Variants in TMTC2 observed in about 807,000 individuals in gnomAD.
TMTC2 encodes the protein transmembrane O-mannosyltransferase targeting cadherins 2.
TMTC2 carries 43 observed loss-of-function variants against 82.4 expected under a neutral mutation model. The ratio of observed to expected loss-of-function variants is 0.52; its 90% CI spans 0.41 to 0.67. The LOEUF is 0.67. TMTC2 is among the 30% of genes least tolerant of loss of function. The probability of loss-of-function intolerance (pLI) is 0.00; values close to 1 mark genes in which losing one functional copy is unlikely to be tolerated. For missense variants in TMTC2, 919 were observed against 1,012.4 expected (o/e 0.91, Z 1.25); for synonymous variants, 408 against 381.9 (o/e 1.07, Z -0.80).
chr12:82,707,762 G>A (rs1293104307), intron 1 of TMTC2, among the ~76,000 whole-genome samples: 3 of 152,214 alleles, frequency 2.0e-5, no homozygotes, highest in Non-Finnish European at 2.9e-5. Context: ...ACTCTGTTAG[G>A]AGGAAGGGCA....
chr12:83,014,056 T>C (rs923528555), intron 8 of TMTC2, among the ~76,000 whole-genome samples: 1 of 152,242 alleles, frequency 6.6e-6, no homozygotes, highest in Non-Finnish European at 1.5e-5. Context: ...TTGCCTATGT[T>C]TTTCTAAGAC....
intron 1 of TMTC2, among the ~76,000 whole-genome samples, chr12:82,832,392 T>C (rs1332513698): frequency 6.6e-6 from 1 of 152,004 alleles, no homozygotes; most frequent in Non-Finnish European, 1.5e-5. Flanking sequence ...ATGTGTGTAA[T>C]TTCTTAAATA....
intron 11 of TMTC2, among the ~76,000 whole-genome samples, chr12:83,063,901 G>A (rs757329907): frequency 1.7e-4 from 26 of 151,840 alleles, no homozygotes; most frequent in Admixed American, 1.2e-3. Context: ...AGGGAACGGG[G>A]TGGCATGCAC....
At chr12:83,045,727 G>GCACA (rs71068972) in intron 9 of TMTC2, among the ~76,000 whole-genome samples, 4,697 of 142,478 alleles carry the variant, frequency 0.033, 157 homozygotes, top group African/African-American at 0.05. Flanking sequence ...ACACACACAC[G>GCACA]CACACACACA....
At chr12:82,694,771 C>T (rs1257091287) in intron 1 of TMTC2, among the ~76,000 whole-genome samples, 5 of 141,180 alleles carry the variant, frequency 3.5e-5, no homozygotes, top group African/African-American at 7.5e-5. Context: ...AATTATTCCA[C>T]AGGAGATTTA....
At chr12:83,087,090 T>G (rs1883685325) in intron 11 of TMTC2, among the ~76,000 whole-genome samples, 1 of 152,232 alleles carries the variant, frequency 6.6e-6, no homozygotes, top group Admixed American at 6.5e-5. Flanking sequence ...CTTTGTCAAA[T>G]AAATTTATGT....
intron 2 of TMTC2, among the ~76,000 whole-genome samples, chr12:82,869,469 C>T (rs1393196581): frequency 6.6e-6 from 1 of 152,082 alleles, no homozygotes; most frequent in Non-Finnish European, 1.5e-5. Flanking sequence ...ATAAAAATTT[C>T]ACAAAAACAC....
intron 1 of TMTC2, among the ~76,000 whole-genome samples, chr12:82,753,325 G>A (rs1876118231): frequency 7.2e-6 from 1 of 137,966 alleles, no homozygotes; most frequent in Admixed American, 7.0e-5. Context: ...AAACATAATG[G>A]CTTTTTTTTT....
chr12:82,995,874 C>A (rs1395395442), intron 8 of TMTC2, among the ~76,000 whole-genome samples: 1 of 152,198 alleles, frequency 6.6e-6, no homozygotes, highest in Admixed American at 6.5e-5. Flanking sequence ...TTGGCTCAAG[C>A]TGTCCTCCTT....
chr12:83,016,352 A>G (rs927560398), intron 8 of TMTC2, among the ~76,000 whole-genome samples: 1 of 152,114 alleles, frequency 6.6e-6, no homozygotes, highest in Non-Finnish European at 1.5e-5. Flanking sequence ...TTTTTCCTCC[A>G]TCTGTGAGTC....
intron 3 of TMTC2, among the ~76,000 whole-genome samples, chr12:82,923,427 C>T (rs980616844): frequency 3.9e-5 from 6 of 152,086 alleles, no homozygotes; most frequent in African/African-American, 1.4e-4. Context: ...AATATCTTCT[C>T]CCAGTATATT....
chr12:83,075,033 C>T (rs1218234629), intron 11 of TMTC2, among the ~76,000 whole-genome samples: 2 of 152,170 alleles, frequency 1.3e-5, no homozygotes, highest in African/African-American at 2.4e-5. Flanking sequence ...GGGGACCGAG[C>T]GAGCTCCCAG....
intron 1 of TMTC2, among the ~76,000 whole-genome samples, chr12:82,691,389 C>T (rs1872570094): frequency 6.6e-6 from 1 of 152,188 alleles, no homozygotes; most frequent in Non-Finnish European, 1.5e-5. Context: ...ATTAAAATTA[C>T]ATCAAGCTCT....
intron 1 of TMTC2, among the ~76,000 whole-genome samples, chr12:82,835,407 C>T (rs1869981453): frequency 6.6e-6 from 1 of 152,056 alleles, no homozygotes; most frequent in Admixed American, 6.6e-5. Flanking sequence ...TAAAATGTCC[C>T]AGTATTTTTC....
chr12:83,028,613 G>T (rs1243011647), intron 8 of TMTC2, among the ~76,000 whole-genome samples: 4 of 151,986 alleles, frequency 2.6e-5, no homozygotes, highest in Non-Finnish European at 5.9e-5. Context: ...AAAATCACAT[G>T]CTCTGCCTGT....
intron 1 of TMTC2, among the ~76,000 whole-genome samples, chr12:82,721,519 T>C (rs1874204542): frequency 6.6e-6 from 1 of 152,196 alleles, no homozygotes; most frequent in East Asian, 1.9e-4. Flanking sequence ...TGCTGCTGAA[T>C]AGGAACTGTG....
chr12:82,796,709 G>T (rs75202683), intron 1 of TMTC2, among the ~76,000 whole-genome samples: 1 of 152,028 alleles, frequency 6.6e-6, no homozygotes, highest in African/African-American at 2.4e-5. Flanking sequence ...TTCTGCCCGA[G>T]CCTGTTTCTT....
At chr12:82,944,564 C>CA (rs11296823) in intron 4 of TMTC2, among the ~76,000 whole-genome samples, 54 of 92,776 alleles carry the variant, frequency 5.8e-4, no homozygotes, top group Admixed American at 1.0e-3. Flanking sequence ...GTGACAGTCT[C>CA]AAAAAAAAAA....
chr12:82,830,867 T>C (rs753433124), intron 1 of TMTC2, among the ~76,000 whole-genome samples: 28 of 152,156 alleles, frequency 1.8e-4, no homozygotes, highest in Non-Finnish European at 3.2e-4. Flanking sequence ...TTTAAATGTA[T>C]ACCAAACAAT....
Sources: allele counts gnomAD v4.1 joint callset (sites outside exome capture counted in the v4.1 genomes callset), GRCh38; gene constraint gnomAD v4.1.1; transcripts MANE v1.5; gene names NCBI Gene and HGNC (gene_info 2026-07-23, HGNC 2026-07-21).